Variants in PRKG1 observed in about 807,000 individuals in gnomAD.
PRKG1 encodes the protein protein kinase cGMP-dependent 1.
Under a neutral mutation model 88.1 loss-of-function variants are expected in PRKG1, and 35 were observed. The observed-to-expected ratio is 0.40, with a 90% CI of 0.30 to 0.53. PRKG1 has a LOEUF of 0.53. PRKG1 is among the 20% of genes least tolerant of loss of function. The pLI is 0.59. For missense variants in PRKG1, 540 were observed against 839.8 expected (o/e 0.64, Z 4.41); for synonymous variants, 303 against 292.5 (o/e 1.04, Z -0.37).
At chr10:51,570,067 A>ATGTG (rs1491127245) in intron 3 of PRKG1, among the ~76,000 whole-genome samples, 26 of 112,982 alleles carry the variant, frequency 2.3e-4, no homozygotes, top group Non-Finnish European at 2.8e-4. Flanking sequence ...ATATATATAT[A>ATGTG]TGTGTGTGTG....
intron 2 of PRKG1, among the ~76,000 whole-genome samples, chr10:51,180,679 T>C (rs1051574176): frequency 1.3e-5 from 2 of 152,182 alleles, no homozygotes; most frequent in Admixed American, 1.3e-4. Context: ...TTGCATGATT[T>C]TGGAGTAAGT....
chr10:51,690,926 CAAAAAAAAAAA>C (rs942329676), intron 3 of PRKG1, among the ~76,000 whole-genome samples: 61 of 37,742 alleles, frequency 1.6e-3, no homozygotes, highest in African/African-American at 4.7e-3. Flanking sequence ...GACTCTGTCT[CAAAAAAAAAAA>C]AAAAAAAAAA....
At chr10:51,301,239 C>T (rs1056381500) in intron 2 of PRKG1, among the ~76,000 whole-genome samples, 13 of 152,138 alleles carry the variant, frequency 8.5e-5, no homozygotes, top group African/African-American at 3.1e-4. Flanking sequence ...ATTTTACTGA[C>T]CCTTCCTTAA....
intron 4 of PRKG1, among the ~76,000 whole-genome samples, chr10:51,894,843 T>A (rs925685993): frequency 6.6e-6 from 1 of 152,228 alleles, no homozygotes; most frequent in Non-Finnish European, 1.5e-5. Flanking sequence ...TTAAATGTAT[T>A]CTCTTCTATT....
At chr10:51,687,076 C>G (rs531775629) in intron 3 of PRKG1, among the ~76,000 whole-genome samples, 1 of 152,132 alleles carries the variant, frequency 6.6e-6, no homozygotes, top group East Asian at 1.9e-4. Context: ...ACTTGAAAGG[C>G]CTTGATTTGA....
intron 2 of PRKG1, among the ~76,000 whole-genome samples, chr10:51,279,067 T>C (rs1682150244): frequency 1.3e-5 from 2 of 152,224 alleles, no homozygotes; most frequent in South Asian, 2.1e-4. Flanking sequence ...TTTTAGATCT[T>C]TCCTGCTTTC....
chr10:51,768,475 A>G (rs1838225394), intron 3 of PRKG1, among the ~76,000 whole-genome samples: 1 of 152,190 alleles, frequency 6.6e-6, no homozygotes, highest in Non-Finnish European at 1.5e-5. Flanking sequence ...ATGGAATGGC[A>G]AAACAAATGT....
At chr10:51,870,447 A>G (rs901238544) in intron 4 of PRKG1, among the ~76,000 whole-genome samples, 4 of 151,700 alleles carry the variant, frequency 2.6e-5, no homozygotes, top group African/African-American at 9.7e-5. Flanking sequence ...TCCCTAATGT[A>G]CTGAAGTTTA....
At chr10:51,492,158 T>C (rs1156283026) in intron 3 of PRKG1, among the ~76,000 whole-genome samples, 1 of 152,186 alleles carries the variant, frequency 6.6e-6, no homozygotes, top group Non-Finnish European at 1.5e-5. Flanking sequence ...TCTATCCATC[T>C]AAATGCTGGC....
At chr10:51,085,765 GTAGT>G (rs1031705522) in intron 1 of PRKG1, among the ~76,000 whole-genome samples, 14 of 152,034 alleles carry the variant, frequency 9.2e-5, no homozygotes, top group Admixed American at 8.5e-4. Context: ...CTCGAAGTTT[GTAGT>G]TATTCATTTA....
intron 8 of PRKG1, among the ~76,000 whole-genome samples, chr10:52,149,869 G>A (rs1034840845): frequency 9.9e-5 from 15 of 151,870 alleles, no homozygotes; most frequent in South Asian, 2.1e-4. Flanking sequence ...AATCTTGGCC[G>A]GCTGTGATGG....
chr10:52,054,402 G>A (rs1347141013), intron 5 of PRKG1, 82 bp from the exon 6 acceptor site: 5 of 965,880 alleles, frequency 5.2e-6, no homozygotes, highest in Non-Finnish European at 8.2e-6. Context: ...ATATATCCCT[G>A]GGGGTTGATA....
rs1245138863 is a variant in PRKG1 at position 51,603,239 on chromosome 10, T to C, written c.592+135403T>C. On this transcript the variant is annotated intron_variant, in intron 3 of 17. Coordinates refer to ENST00000373980, the MANE Select transcript of PRKG1 (RefSeq NM_006258.4). ...TCCCAAAGTGCTGGTATTTCAGGCA[T>C]GAGCCACAGCATCCAGCCTCAAATT... 2.0e-5 allele frequency among the ~76,000 whole-genome samples: 3 copies of C among 152,202 alleles called. No individual in the cohort carries two copies. The East Asian group carries it at 5.8e-4, about 29-fold the overall frequency.
intron 6 of PRKG1, 70 bp downstream of exon 6, chr10:52,054,631 A>G (rs1391618121): frequency 5.6e-6 from 7 of 1,261,192 alleles, no homozygotes; most frequent in Non-Finnish European, 7.0e-6. Flanking sequence ...TCCAGTAGGA[A>G]CACATGCAGA....
intron 1 of PRKG1, among the ~76,000 whole-genome samples, chr10:51,051,633 A>G (rs977575468): frequency 6.6e-6 from 1 of 152,182 alleles, no homozygotes; most frequent in African/African-American, 2.4e-5. Context: ...AGGTTTAGCT[A>G]TAACTGGCCT....
chr10:51,408,257 C>T (rs1837980478), intron 2 of PRKG1, among the ~76,000 whole-genome samples: 1 of 152,234 alleles, frequency 6.6e-6, no homozygotes, highest in Admixed American at 6.5e-5. Context: ...GTAATTGTGA[C>T]TACCAAAGGC....
intron 7 of PRKG1, among the ~76,000 whole-genome samples, chr10:52,095,486 C>G (rs1847151930): frequency 6.6e-6 from 1 of 152,098 alleles, no homozygotes; most frequent in South Asian, 2.1e-4. Flanking sequence ...CCTCCCTGAA[C>G]CACCAAACAT....
At chr10:51,845,477 T>C (rs1840374248) in intron 4 of PRKG1, among the ~76,000 whole-genome samples, 1 of 152,176 alleles carries the variant, frequency 6.6e-6, no homozygotes, top group Non-Finnish European at 1.5e-5. Flanking sequence ...TTAGTTTCCA[T>C]AGGTTTTAGA....
At chr10:52,197,483 T>A (rs1412947310) in intron 9 of PRKG1, among the ~76,000 whole-genome samples, 2 of 152,198 alleles carry the variant, frequency 1.3e-5, no homozygotes, top group Non-Finnish European at 2.9e-5. Context: ...AAGCTTCATC[T>A]GGTATAAGAA....
Sources: allele counts gnomAD v4.1 joint callset (sites outside exome capture counted in the v4.1 genomes callset), GRCh38; gene constraint gnomAD v4.1.1; transcripts MANE v1.5; gene names NCBI Gene and HGNC (gene_info 2026-07-23, HGNC 2026-07-21).